KLF12: variants seen among roughly 807,000 people sequenced by gnomAD.
The protein encoded by KLF12 is KLF transcription factor 12, also known as Krueppel-like factor 12.
In KLF12, 9 loss-of-function variants were observed where a neutral mutation model predicts 37.8. The observed-to-expected ratio is 0.24, with a 90% confidence interval of 0.14 to 0.42. The LOEUF (loss-of-function observed/expected upper bound fraction) is 0.42, where lower values mean the gene tolerates loss of function less well. Among genes scored for constraint, KLF12 ranks in the 10% least tolerant of loss-of-function variants. The pLI is 1.00. For synonymous variants in KLF12, 208 were observed against 202.1 expected (o/e 1.03, Z -0.25); for missense variants, 411 against 516.0 (o/e 0.80, Z 1.97).
intron 1 of KLF12, among the ~76,000 whole-genome samples, chr13:74,044,740 G>A (rs1468388193): frequency 6.6e-6 from 1 of 151,938 alleles, no homozygotes; most frequent in Non-Finnish European, 1.5e-5. Flanking sequence ...AGCTGCTCGG[G>A]AGGCTGAGGC....
intron 6 of KLF12, among the ~76,000 whole-genome samples, chr13:73,752,583 A>G (rs748259689): frequency 1.1e-4 from 17 of 151,954 alleles, no homozygotes; most frequent in South Asian, 2.1e-4. Flanking sequence ...TCCATAAGCA[A>G]CTGCTGTTTA....
chr13:74,054,501 G>A (rs149011352), intron 1 of KLF12, among the ~76,000 whole-genome samples: 4 of 152,204 alleles, frequency 2.6e-5, no homozygotes, highest in East Asian at 1.9e-4. Context: ...GCAAGGAAGT[G>A]AATACTTGGT....
chr13:73,825,677 TAC>T (rs1040922531), intron 4 of KLF12, among the ~76,000 whole-genome samples: 2 of 152,110 alleles, frequency 1.3e-5, no homozygotes, highest in Non-Finnish European at 2.9e-5. Context: ...AAAGGTTGGA[TAC>T]TGTCTTTTGT....
At chr13:74,155,580 C>T in the KLF12 span, among the ~76,000 whole-genome samples, 1 of 152,130 alleles carries the variant, frequency 6.6e-6, no homozygotes, top group Non-Finnish European at 1.5e-5. Context: ...CCAGGCTGGT[C>T]TGCAACTCCT....
chr13:74,259,159 G>A, the KLF12 span: 1 of 152,364 alleles, frequency 6.6e-6, no homozygotes, highest in African/African-American at 2.4e-5. Context: ...GTAGGTAGCA[G>A]GTGGTGTGTA....
chr13:73,975,400 A>G (rs1224666759), intron 2 of KLF12, among the ~76,000 whole-genome samples: 3 of 152,178 alleles, frequency 2.0e-5, no homozygotes, highest in Non-Finnish European at 2.9e-5. Flanking sequence ...AACCCCGCAT[A>G]CACTCAATAA....
intron 4 of KLF12, among the ~76,000 whole-genome samples, chr13:73,830,239 A>G (rs1884081535): frequency 6.6e-6 from 1 of 152,162 alleles, no homozygotes; most frequent in Admixed American, 6.5e-5. Flanking sequence ...ATGATCTACT[A>G]TAACCATAAC....
At chr13:73,987,593 A>G (rs1301580447) in intron 2 of KLF12, among the ~76,000 whole-genome samples, 1 of 148,592 alleles carries the variant, frequency 6.7e-6, no homozygotes, top group Admixed American at 6.7e-5. Context: ...AGAAGAAGGG[A>G]GGGAGGGAGC....
At chr13:73,862,055 GTTTTTT>G (rs10591257) in intron 3 of KLF12, among the ~76,000 whole-genome samples, 4 of 143,024 alleles carry the variant, frequency 2.8e-5, no homozygotes, top group Non-Finnish European at 4.6e-5. Context: ...ATATAGTTGG[GTTTTTT>G]TTTTTTTTTT....
intron 1 of KLF12, among the ~76,000 whole-genome samples, chr13:74,104,425 C>T (rs1876538624): frequency 6.6e-6 from 1 of 152,172 alleles, no homozygotes; most frequent in South Asian, 2.1e-4. Context: ...AAAGACTGTC[C>T]TTCAAAACAC....
chr13:74,089,959 G>A (rs9600227), intron 1 of KLF12, among the ~76,000 whole-genome samples: 50,512 of 151,602 alleles, frequency 0.33, 8,800 homozygotes, highest in Middle Eastern at 0.45. Flanking sequence ...AGTAAGGCAA[G>A]AAAAAGAAAT....
At chr13:73,983,220 G>T (rs545993038) in intron 2 of KLF12, among the ~76,000 whole-genome samples, 89 of 152,098 alleles carry the variant, frequency 5.9e-4, no homozygotes, top group Non-Finnish European at 1.1e-3. Flanking sequence ...CAACCAGAAC[G>T]CCAGGCAACC....
chr13:74,094,026 TTTAAA>T (rs908942679), intron 1 of KLF12, among the ~76,000 whole-genome samples: 6 of 151,804 alleles, frequency 4.0e-5, no homozygotes, highest in African/African-American at 7.2e-5. Context: ...TATTCAACAC[TTTAAA>T]TTAGTATATT....
intron 4 of KLF12, among the ~76,000 whole-genome samples, chr13:73,820,694 C>T (rs1425118460): frequency 2.0e-5 from 3 of 151,796 alleles, no homozygotes; most frequent in Admixed American, 2.0e-4. Context: ...CTCATTTTTC[C>T]CCCAATTTTT....
At chr13:73,782,584 A>G (rs1871123981) in intron 5 of KLF12, among the ~76,000 whole-genome samples, 1 of 152,250 alleles carries the variant, frequency 6.6e-6, no homozygotes, top group South Asian at 2.1e-4. Context: ...CATGCTGTTA[A>G]ATAACCCGAC....
intron 1 of KLF12, among the ~76,000 whole-genome samples, chr13:74,002,013 C>T (rs1449134653): frequency 6.6e-6 from 1 of 152,164 alleles, no homozygotes; most frequent in African/African-American, 2.4e-5. Context: ...AATCAAAGGA[C>T]TTAATAGATT....
intron 1 of KLF12, among the ~76,000 whole-genome samples, chr13:74,093,193 C>G (rs1875779968): frequency 1.3e-5 from 2 of 152,184 alleles, no homozygotes; most frequent in Admixed American, 1.3e-4. Context: ...TACTCAAAAT[C>G]AAAAATCTTA....
Position 73,985,928 on chromosome 13 carries a change from G to C in KLF12, c.33+9062C>G, listed in dbSNP as rs115847347. On this transcript the variant is annotated intron_variant, in intron 2 of 7. Coordinates refer to ENST00000377669, the MANE Select transcript of KLF12 (RefSeq NM_007249.5). The stretch of plus-strand genomic sequence containing the variant: ...CCTAGCCTATCTGTTAATTTCAATA[G>C]ATAGCTGCTGGCTAGGTATTAACTA... 3.4e-3 allele frequency among the ~76,000 whole-genome samples: 511 copies of C among 152,320 alleles called. 3 individuals carry two copies. The highest frequency in any genetic ancestry group is 0.012 in the African/African-American group (489 of 41,574).
At position 73,862,052 on chromosome 13, in the gene KLF12, T is replaced by TG. The variant is rs200304960; in HGVS notation, c.124-15680dup. Reference sequence around the variant, plus strand: ...ACAAACAGAAGAGTGCAGATATAGTTGGGTTTTTTTTTTTTTTTTGAAAAA... The same window carrying TG: ...ACAAACAGAAGAGTGCAGATATAGTTGGGGTTTTTTTTTTTTTTTTGAAAAA... On this transcript the variant is annotated intron_variant, in intron 3 of 7. Coordinates refer to ENST00000377669, the MANE Select transcript of KLF12 (RefSeq NM_007249.5). 4.4e-3 allele frequency among the ~76,000 whole-genome samples: 491 copies of TG among 111,298 alleles called. 3 individuals carry two copies. Among genetic ancestry groups the TG allele is most frequent in the African/African-American group, 0.016 (452 of 29,152 alleles). The allele number at this position is 111,298 out of a possible 152,430, so 73.0% of individuals were successfully genotyped here.
Sources: gnomAD v4.1 joint callset for allele counts (sites outside exome capture counted in the v4.1 genomes callset) on GRCh38, gnomAD v4.1.1 for gene constraint, MANE v1.5 for transcripts, NCBI Gene and HGNC (gene_info 2026-07-23, HGNC 2026-07-21) for gene names.